The following PACSIN1 variants were observed in gnomAD, a reference collection of about 807,000 sequenced individuals.
PACSIN1 encodes protein kinase C and casein kinase substrate in neurons 1.
A neutral mutation model predicts 59.5 loss-of-function variants in PACSIN1; 15 were observed. The ratio of observed to expected loss-of-function variants is 0.25; its 90% CI spans 0.17 to 0.39. The LOEUF (loss-of-function observed/expected upper bound fraction) is 0.39, where lower values mean the gene tolerates loss of function less well. Among genes scored for constraint, PACSIN1 ranks in the 10% least tolerant of loss-of-function variants. The probability of loss-of-function intolerance (pLI) is 1.00; values close to 1 mark genes in which losing one functional copy is unlikely to be tolerated. For missense variants in PACSIN1, 420 were observed against 580.2 expected, an observed-to-expected ratio of 0.72 and a Z score of 2.84; for synonymous variants, 210 against 220.6, an observed-to-expected ratio of 0.95 and a Z score of 0.42.
intron 1 of PACSIN1, among the ~76,000 whole-genome samples, chr6:34,498,442 C>G (rs560980901): frequency 6.4e-4 from 97 of 152,160 alleles, no homozygotes; most frequent in African/African-American, 2.1e-3. Flanking sequence ...ATATTAATCC[C>G]TCATCAGATA....
chr6:34,490,853 G>A (rs1238251774), intron 1 of PACSIN1, among the ~76,000 whole-genome samples: 1 of 152,126 alleles, frequency 6.6e-6, no homozygotes, highest in Non-Finnish European at 1.5e-5. Flanking sequence ...TCTACTGTGG[G>A]CTTTCGTTTT....
chr6:34,524,892 GC>G (rs921812875), intron 1 of PACSIN1, among the ~76,000 whole-genome samples: 1 of 152,050 alleles, frequency 6.6e-6, no homozygotes, highest in African/African-American at 2.4e-5. Context: ...ACTCCTGCCC[GC>G]CCCCCAGCAG....
Position 34,476,506 on chromosome 6 carries a change from G to A in PACSIN1, c.-64+10236G>A, listed in dbSNP as rs543831388. On this transcript the variant is annotated intron_variant, in intron 1 of 9. Transcript: ENST00000244458. ...GGACACTGGGCTGCCACTGCTGCCTGCTCCCCAGGTGTTGGATGACTGGCC... is the reference window on the plus strand; with the variant it reads ...GGACACTGGGCTGCCACTGCTGCCTACTCCCCAGGTGTTGGATGACTGGCC... 3.4e-4 allele frequency among the ~76,000 whole-genome samples: 51 copies of A among 151,376 alleles called. 1 individual carries two copies. The South Asian group carries it at 6.4e-3, about 19-fold the overall frequency.
rs1045946551 is a variant in PACSIN1 at position 34,518,167 on chromosome 6, A to G, written c.-63-8076A>G. 6.6e-6 allele frequency among the ~76,000 whole-genome samples: 1 copy of G among 152,214 alleles called. No individual in the cohort carries two copies. Among genetic ancestry groups the G allele is most frequent in the African/African-American group, 2.4e-5 (1 of 41,470 alleles). The stretch of plus-strand genomic sequence containing the variant: ...CCCCGGAAGAGGGCAAGCTGCATGC[A>G]TCCCACCCCAAGCCACTGAAGCGGG... On this transcript the variant is annotated intron_variant, in intron 1 of 9. Coordinates refer to ENST00000244458, the MANE Select transcript of PACSIN1 (RefSeq NM_020804.5). This position sits in a 1 kb window ranked among gnomAD's most constrained non-coding sequence, Gnocchi z 4.4.
rs1767332688 is a variant in PACSIN1 at position 34,518,567 on chromosome 6, G to A, written c.-63-7676G>A. Among the ~76,000 whole-genome samples, 1 of 152,152 alleles carries A rather than the reference G, an allele frequency of 6.6e-6. No individual in the cohort carries two copies. The highest frequency in any genetic ancestry group is 6.5e-5 in the Admixed American group (1 of 15,280). ...ACAGAAACACTGAGGGTGGGAAAAT[G>A]ACACAGGGAGACAAAAAAGGGTGCT... On this transcript the variant is annotated intron_variant, in intron 1 of 9. Coordinates refer to ENST00000244458, the MANE Select transcript of PACSIN1 (RefSeq NM_020804.5). The surrounding 1 kb of genome is among the most constrained non-coding windows in gnomAD (Gnocchi z 4.4).
chr6:34,518,934 T>C lies in PACSIN1; in HGVS notation c.-63-7309T>C, dbSNP rs533068307. Among the ~76,000 whole-genome samples, 65 of 152,328 alleles carry C rather than the reference T, an allele frequency of 4.3e-4. 1 individual carries two copies. Among genetic ancestry groups the C allele is most frequent in the Middle Eastern group, 6.8e-3 (2 of 294 alleles). The stretch of plus-strand genomic sequence containing the variant: ...TTAGAGGCCCTCTAAAGATGTGGGC[T>C]GTGCAAAATGGTGTCTTGTCTACTT... On this transcript the variant is annotated intron_variant, in intron 1 of 9. Transcript: ENST00000244458. The surrounding 1 kb of genome is among the most constrained non-coding windows in gnomAD (Gnocchi z 4.4).
chr6:34,519,351 T>C (rs1025775910), intron 1 of PACSIN1, among the ~76,000 whole-genome samples: 1 of 152,132 alleles, frequency 6.6e-6, no homozygotes, highest in Non-Finnish European at 1.5e-5. Context: ...CTTGGGATCA[T>C]CATTTCTAAT....
In PACSIN1 at chr6:34,488,026, A is replaced by G. The variant is rs1475211153; in HGVS notation, c.-64+21756A>G. Among the ~76,000 whole-genome samples, 1 of 152,154 alleles carries G rather than the reference A, an allele frequency of 6.6e-6. No homozygotes were observed. The highest frequency in any genetic ancestry group is 1.5e-5 in the Non-Finnish European group (1 of 68,014). The stretch of plus-strand genomic sequence containing the variant: ...GGGGAAGGTCAGTGAGATAAGCCAC[A>G]GTCCCGCTGCTGCAGCAGGACTCTG... On this transcript the variant is annotated intron_variant, in intron 1 of 9. Coordinates refer to ENST00000244458, the MANE Select transcript of PACSIN1 (RefSeq NM_020804.5). This position sits in a 1 kb window ranked among gnomAD's most constrained non-coding sequence, Gnocchi z 4.7.
intron 1 of PACSIN1, among the ~76,000 whole-genome samples, chr6:34,485,420 C>T (rs1766778702): frequency 6.6e-6 from 1 of 151,880 alleles, no homozygotes; most frequent in African/African-American, 2.4e-5. Flanking sequence ...CATCTGTGGC[C>T]GACAGGTGAG....
At chr6:34,502,986 G>A (rs1306496581) in intron 1 of PACSIN1, among the ~76,000 whole-genome samples, 27 of 152,138 alleles carry the variant, frequency 1.8e-4, no homozygotes, top group East Asian at 1.9e-4. Flanking sequence ...CAAACCTCCC[G>A]TTGGTCCCGA....
At chr6:34,471,223 C>G (rs973012964) in intron 1 of PACSIN1, among the ~76,000 whole-genome samples, 5 of 152,226 alleles carry the variant, frequency 3.3e-5, no homozygotes, top group Admixed American at 3.3e-4. Context: ...GCTGGGATTA[C>G]AGGCATGAGC....
chr6:34,500,309 TAATAA>T (rs1767005275), intron 1 of PACSIN1, among the ~76,000 whole-genome samples: 1 of 152,138 alleles, frequency 6.6e-6, no homozygotes, highest in African/African-American at 2.4e-5. Context: ...CAAATAAAAA[TAATAA>T]AATTAAATTA....
Position 34,484,834 on chromosome 6 carries a change from A to G in PACSIN1, c.-64+18564A>G, listed in dbSNP as rs574123594. Reference sequence around the variant, plus strand: ...ATACACACATATATATTAGGAAGTGATAAGTGTTACAAAGGAAAAATAAAG... The same window carrying G: ...ATACACACATATATATTAGGAAGTGGTAAGTGTTACAAAGGAAAAATAAAG... On this transcript the variant is annotated intron_variant, in intron 1 of 9. Transcript: ENST00000244458. Among the ~76,000 whole-genome samples the G allele has an allele frequency of 1.1e-4, 16 of 152,284 alleles. No individual in the cohort carries two copies. The South Asian group carries it at 3.1e-3, about 30-fold the overall frequency.
chr6:34,486,512 C>G (rs771759742), intron 1 of PACSIN1, among the ~76,000 whole-genome samples: 1 of 152,164 alleles, frequency 6.6e-6, no homozygotes, highest in Non-Finnish European at 1.5e-5. Context: ...CCATTTCAGT[C>G]CAGTGCTGCA....
rs986618493 is a variant in PACSIN1, at chr6:34,534,914, G to C, written c.*2384G>C. 1 of 152,786 alleles carries C rather than the reference G, an allele frequency of 6.5e-6. No individual in the cohort carries two copies. The highest frequency in any genetic ancestry group is 1.5e-5 in the Non-Finnish European group (1 of 68,132). 9.5% of individuals were successfully genotyped at this position (152,786 alleles called of 1,614,324 possible). Reference sequence around the variant, plus strand: ...CCCACGGCCTCCTCCTGTAGCTCCTGCCTGCACCCACGATGCTGCACGGGC... The same window carrying C: ...CCCACGGCCTCCTCCTGTAGCTCCTCCCTGCACCCACGATGCTGCACGGGC... On this transcript the variant is annotated 3_prime_UTR_variant, in exon 10 of 10. Transcript: ENST00000244458.
chr6:34,529,337 G>T lies in PACSIN1; in HGVS notation c.457-60G>T. The stretch of plus-strand genomic sequence containing the variant: ...GTGGGCAGGGGAGGAGTTAATGGGT[G>T]ACCATGTTTGCTGCTGGTCACAAAT... On this transcript the variant is annotated intron_variant, in intron 4 of 9. Coordinates refer to ENST00000244458, the MANE Select transcript of PACSIN1 (RefSeq NM_020804.5). This position sits in a 1 kb window ranked among gnomAD's most constrained non-coding sequence, Gnocchi z 6.3. 6.3e-7 allele frequency: 1 copy of T among 1,594,368 alleles called. No homozygotes were observed. The highest frequency in any genetic ancestry group is 1.1e-5 in the South Asian group (1 of 89,442).
intron 1 of PACSIN1, among the ~76,000 whole-genome samples, chr6:34,505,895 G>C (rs1767104982): frequency 1.3e-5 from 2 of 151,744 alleles, no homozygotes; most frequent in African/African-American, 4.8e-5. Flanking sequence ...GACTTCCAAA[G>C]TGCTGGGATT....
intron 1 of PACSIN1, among the ~76,000 whole-genome samples, chr6:34,490,780 C>G (rs1036128188): frequency 9.8e-5 from 15 of 152,326 alleles, no homozygotes; most frequent in African/African-American, 3.6e-4. Flanking sequence ...AGCATGCCCC[C>G]CTTCTCCAGG....
rs1013373306 is a variant in PACSIN1 at position 34,521,764 on chromosome 6, C to T, written c.-63-4479C>T. On this transcript the variant is annotated intron_variant, in intron 1 of 9. Transcript: ENST00000244458. This position sits in a 1 kb window ranked among gnomAD's most constrained non-coding sequence, Gnocchi z 4.3. ...GCGCCGACACCTGTGGAGAGCTCGC[C>T]GTGTGTCAGGCGCGGTCCAGTGGCC... 2.6e-5 allele frequency among the ~76,000 whole-genome samples: 4 copies of T among 151,458 alleles called. No individual in the cohort carries two copies. The highest frequency in any genetic ancestry group is 4.9e-5 in the African/African-American group (2 of 41,138).
Sources: allele counts gnomAD v4.1 joint callset (sites outside exome capture counted in the v4.1 genomes callset), GRCh38; gene constraint gnomAD v4.1.1; non-coding constraint Gnocchi (gnomAD v3.1); transcripts MANE v1.5; gene names NCBI Gene and HGNC (gene_info 2026-07-23, HGNC 2026-07-21).